The following MTUS1 variants were observed in gnomAD, a reference collection of about 807,000 sequenced individuals.
The protein encoded by MTUS1 is microtubule-associated tumor suppressor 1.
Under a neutral mutation model 120.8 loss-of-function variants are expected in MTUS1, and 109 were observed. The observed-to-expected ratio is 0.90, with a 90% CI of 0.77 to 1.06. The LOEUF (loss-of-function observed/expected upper bound fraction) is 1.06. Among genes scored for constraint, MTUS1 ranks in the 50% least tolerant of loss-of-function variants. MTUS1 has a pLI of 0.00. For missense variants in MTUS1, 2,210 were observed against 1,486.3 expected, an observed-to-expected ratio of 1.49 and a Z score of -8.01; for synonymous variants, 737 against 550.5, an observed-to-expected ratio of 1.34 and a Z score of -4.74.
At chr8:17,737,115 G>C (rs1435102824) in intron 3 of MTUS1, among the ~76,000 whole-genome samples, 2 of 152,160 alleles carry the variant, frequency 1.3e-5, no homozygotes, top group African/African-American at 4.8e-5. Context: ...ACAGGAGTGT[G>C]TCAAGACTTC....
intron 6 of MTUS1, among the ~76,000 whole-genome samples, chr8:17,685,324 T>TA (rs965520946): frequency 9.2e-5 from 14 of 152,130 alleles, no homozygotes; most frequent in Admixed American, 3.9e-4. Flanking sequence ...CTGTTTTAAA[T>TA]AAAAAACTGT....
At position 17,649,752 on chromosome 8, in the gene MTUS1, A is replaced by C. The variant is rs762566379; in HGVS notation, c.3501+94T>G. 55 of 717,626 alleles carry C rather than the reference A, an allele frequency of 7.7e-5. 1 individual carries two copies. The South Asian group carries it at 9.0e-4, about 12-fold the overall frequency. The allele number at this position is 717,626 out of a possible 1,614,324, so 44.5% of individuals were successfully genotyped here. A position where few individuals can be genotyped will look rare whatever the true frequency, so the allele number is the denominator to read the frequency against. Reference sequence around the variant, plus strand: ...ATAATTTCTAAATATCTTTAGGAGCAGTTAACCCAACTCCACAGTTCTAAA... The same window carrying C: ...ATAATTTCTAAATATCTTTAGGAGCCGTTAACCCAACTCCACAGTTCTAAA... On this transcript the variant is annotated intron_variant, in intron 13 of 14. Transcript: ENST00000693296.
chr8:17,673,046 A>C (rs1812341222), intron 8 of MTUS1, among the ~76,000 whole-genome samples: 1 of 152,138 alleles, frequency 6.6e-6, no homozygotes, highest in Non-Finnish European at 1.5e-5. Context: ...GCTCACCTCC[A>C]CTTCCACTGG....
chr8:17,718,320 A>G (rs773026783), intron 4 of MTUS1, among the ~76,000 whole-genome samples: 52 of 152,242 alleles, frequency 3.4e-4, no homozygotes, highest in Admixed American at 6.5e-4. Context: ...CAATTCCAAT[A>G]TAAGAGATGC....
intron 1 of MTUS1, chr8:17,758,347 C>G (rs2048780712): frequency 6.6e-6 from 1 of 151,958 alleles, no homozygotes; most frequent in Admixed American, 6.6e-5. Context: ...ATTTCAACAG[C>G]ATGTGCACAC....
chr8:17,691,414 C>G (rs1043843801), intron 6 of MTUS1: 1 of 152,202 alleles, frequency 6.6e-6, no homozygotes, highest in Non-Finnish European at 1.5e-5. Flanking sequence ...GCTCTAAAAC[C>G]GCCACAGCTA....
At chr8:17,732,290 C>T (rs573069146) in intron 3 of MTUS1, among the ~76,000 whole-genome samples, 18 of 152,344 alleles carry the variant, frequency 1.2e-4, no homozygotes, top group African/African-American at 4.1e-4. Flanking sequence ...GGTTTATGTC[C>T]ACTGGTTGGG....
chr8:17,785,491 C>A (rs547557114), intron 1 of MTUS1, among the ~76,000 whole-genome samples: 118 of 152,252 alleles, frequency 7.8e-4, no homozygotes, highest in African/African-American at 2.6e-3. Flanking sequence ...TTAATTTTGC[C>A]AAGAGGGGCA....
intron 8 of MTUS1, among the ~76,000 whole-genome samples, chr8:17,673,685 C>G (rs1226229852): frequency 6.6e-6 from 1 of 152,090 alleles, no homozygotes; most frequent in Non-Finnish European, 1.5e-5. Context: ...AAACTGCTGG[C>G]CTCAAGTGAT....
At chr8:17,647,291 G>T (rs1473178727) in intron 13 of MTUS1, 2 of 496,514 alleles carry the variant, frequency 4.0e-6, no homozygotes, top group East Asian at 3.5e-5. Flanking sequence ...TGTATGCCAG[G>T]ACACTTAAAT....
chr8:17,753,886 A>G lies in MTUS1; in HGVS notation c.1922T>C (p.Leu641Pro). The G allele has an allele frequency of 6.2e-7, 1 of 1,614,116 alleles. No individual in the cohort carries two copies. Among genetic ancestry groups the G allele is most frequent in the Non-Finnish European group, 8.5e-7 (1 of 1,180,038 alleles). The part of the protein sequence containing the change: ...SALFQKIKGI[L>P]PVKMESAECL... The stretch of plus-strand genomic sequence containing the variant: ...TTCTGCACTTTCCATTTTAACAGGG[A>G]GTATGCCTTTGATCTTCTGAAACAA... The change falls in exon 2 of 15, where the codon CTC becomes CCC. Residue 641 changes from leucine to proline, a missense_variant. Leu to Pro is a moderately conservative substitution (Grantham distance 98). Coordinates refer to ENST00000693296, the MANE Select transcript of MTUS1 (RefSeq NM_001363059.2).
chr8:17,684,358 C>T lies in MTUS1; in HGVS notation c.2808G>A (p.Leu936=), dbSNP rs779851828. Residue 936 remains leucine (L), a synonymous_variant, in exon 7 of 15, where the codon TTG becomes TTA. Coordinates refer to ENST00000693296, the MANE Select transcript of MTUS1 (RefSeq NM_001363059.2). ...LACGNTKFEA[L]TVVIQHLLSE... is the part of the protein sequence containing the mutation. ...ACAGCAGGTGCTGAATCACAACTGTCAATGCCTCAAACTTGGTATTACCAC... is the reference window on the plus strand; with the variant it reads ...ACAGCAGGTGCTGAATCACAACTGTTAATGCCTCAAACTTGGTATTACCAC... 3 of 1,614,198 alleles carry T rather than the reference C, an allele frequency of 1.9e-6. No individual in the cohort carries two copies. In the East Asian group the frequency reaches 6.7e-5, roughly 36 times the overall value.
intron 6 of MTUS1, among the ~76,000 whole-genome samples, chr8:17,701,555 ATTT>A (rs906528353): frequency 6.6e-6 from 1 of 150,422 alleles, no homozygotes; most frequent in Non-Finnish European, 1.5e-5. Flanking sequence ...TCATCGTAGA[ATTT>A]TTTTTTTGAG....
At position 17,723,762 on chromosome 8, in the gene MTUS1, C is replaced by G; in HGVS notation, c.2359G>C (p.Ala787Pro). 6.2e-7 allele frequency: 1 copy of G among 1,610,494 alleles called. No homozygotes were observed. The highest frequency in any genetic ancestry group is 8.5e-7 in the Non-Finnish European group (1 of 1,177,652). ...NLPRPLPKSK[A>P]SLKSPALRRT... ...CGCAGCGCAGGACTTTTCAAAGATG[C>G]TTTGGATTTAGGAAGTGGTCTAGGC... Residue 787 changes from alanine (A) to proline (P), a missense_variant, in exon 4 of 15, where the codon GCA (alanine) becomes CCA (proline). Ala to Pro is a conservative substitution (Grantham distance 27, BLOSUM62 -1). Transcript: ENST00000693296.
In MTUS1 at chr8:17,754,361, T is replaced by C. The variant is rs779041178; in HGVS notation, c.1447A>G (p.Thr483Ala). The C allele has an allele frequency of 2.4e-5, 39 of 1,613,862 alleles. No individual in the cohort carries two copies. The highest frequency in any genetic ancestry group is 1.6e-4 in the Middle Eastern group (1 of 6,084). Residue 483 changes from threonine to alanine, a missense_variant, in exon 2 of 15, where the codon ACA (threonine) becomes GCA (alanine). Coordinates refer to ENST00000693296, the MANE Select transcript of MTUS1 (RefSeq NM_001363059.2). The stretch of plus-strand genomic sequence containing the variant: ...CCTATTGGGGTATTCGTTTTGATTG[T>C]TGATTTTCCTAAACTGGGTTTACAC... ...NLCKPSLGKS[T>A]IKTNTPIGCK...
At chr8:17,697,223 T>C in intron 6 of MTUS1, 1 of 1,571,728 alleles carries the variant, frequency 6.4e-7, no homozygotes, top group Non-Finnish European at 8.7e-7. Context: ...ACATCCCCCG[T>C]GCAACACTAA....
chr8:17,738,296 G>A (rs535527985), intron 3 of MTUS1, among the ~76,000 whole-genome samples: 3 of 152,204 alleles, frequency 2.0e-5, no homozygotes, highest in African/African-American at 2.4e-5. Flanking sequence ...GCATAAACAC[G>A]CACTCTCCCT....
intron 6 of MTUS1, among the ~76,000 whole-genome samples, chr8:17,712,819 T>TG (rs1821597405): frequency 1.3e-5 from 2 of 150,048 alleles, no homozygotes; most frequent in African/African-American, 2.5e-5. Flanking sequence ...AGTGAAAGTG[T>TG]GAAAAAAAAA....
intron 3 of MTUS1, among the ~76,000 whole-genome samples, chr8:17,733,003 A>C (rs753170757): frequency 1.3e-5 from 2 of 152,130 alleles, no homozygotes; most frequent in African/African-American, 2.4e-5. Flanking sequence ...GATCCCATTA[A>C]CATTTAAGTC....
Sources: gnomAD v4.1 joint callset for allele counts (sites outside exome capture counted in the v4.1 genomes callset) on GRCh38, gnomAD v4.1.1 for gene constraint, MANE v1.5 for transcripts, NCBI Gene and HGNC (gene_info 2026-07-23, HGNC 2026-07-21) for gene names.